The following ZFHX3 variants were observed in gnomAD, a reference collection of about 807,000 sequenced individuals.
ZFHX3 encodes zinc finger homeobox 3, also known as zinc finger homeobox protein 3.
A neutral mutation model predicts 279.1 loss-of-function variants in ZFHX3; 42 were observed. That is an observed-to-expected ratio of 0.15 (90% CI 0.12 to 0.19). The LOEUF is 0.19. Among genes scored for constraint, ZFHX3 ranks in the 10% least tolerant of loss-of-function variants. The probability of loss-of-function intolerance (pLI) is 1.00; values close to 1 mark genes in which losing one functional copy is unlikely to be tolerated. For missense variants in ZFHX3, 4,981 were observed against 4,754.0 expected (o/e 1.05, Z -1.40); for synonymous variants, 2,293 against 1,957.8 (o/e 1.17, Z -4.52).
chr16:72,848,288 A>C (rs1229564813), intron 4 of ZFHX3, among the ~76,000 whole-genome samples: 1 of 152,112 alleles, frequency 6.6e-6, no homozygotes, highest in Non-Finnish European at 1.5e-5. Context: ...AGCGCATTGT[A>C]CTGGGAGGTG....
chr16:73,886,056 A>C (rs1450636212), intron 1 of ZFHX3, among the ~76,000 whole-genome samples: 1 of 152,228 alleles, frequency 6.6e-6, no homozygotes, highest in Non-Finnish European at 1.5e-5. Flanking sequence ...CATCAAATTC[A>C]AATTAATCCT....
At chr16:73,752,712 G>A (rs1305770590) in intron 1 of ZFHX3, among the ~76,000 whole-genome samples, 3 of 152,122 alleles carry the variant, frequency 2.0e-5, no homozygotes, top group East Asian at 3.9e-4. Flanking sequence ...AAACCATGTC[G>A]ACTAGTGAGT....
intron 1 of ZFHX3, among the ~76,000 whole-genome samples, chr16:73,734,128 G>T (rs1375067431): frequency 1.3e-5 from 2 of 152,126 alleles, no homozygotes; most frequent in African/African-American, 4.8e-5. Flanking sequence ...GAATCTAATA[G>T]CACTGCTGAT....
chr16:73,511,008 T>C (rs2019418811), intron 2 of ZFHX3, among the ~76,000 whole-genome samples: 1 of 152,244 alleles, frequency 6.6e-6, no homozygotes, highest in South Asian at 2.1e-4. Context: ...TGCCTTTGGA[T>C]GTGCCTCATA....
chr16:73,868,202 G>A (rs1962077709), intron 1 of ZFHX3, among the ~76,000 whole-genome samples: 1 of 152,226 alleles, frequency 6.6e-6, no homozygotes, highest in Non-Finnish European at 1.5e-5. Context: ...GAAATCTACA[G>A]TGTCCACATC....
chr16:73,333,271 A>T (rs1194040971), intron 3 of ZFHX3, among the ~76,000 whole-genome samples: 1 of 152,228 alleles, frequency 6.6e-6, no homozygotes, highest in Non-Finnish European at 1.5e-5. Flanking sequence ...AGAAAAATAC[A>T]GTTACATAGA....
Position 72,794,785 on chromosome 16 carries a change from T to C in ZFHX3, c.7897A>G (p.Thr2633Ala). The C allele has an allele frequency of 1.9e-6, 3 of 1,614,200 alleles. No individual in the cohort carries two copies. The highest frequency in any genetic ancestry group is 2.5e-6 in the Non-Finnish European group (3 of 1,180,040). The change falls in exon 9 of 10, where the codon ACA becomes GCA. Residue 2633 changes from threonine (T) to alanine (A), a missense_variant. Transcript: ENST00000268489. This position sits in a 1 kb window ranked among gnomAD's most constrained non-coding sequence, Gnocchi z 4.2. ...SASPGENDSGTGGEEPQRDKR... is the reference protein window; with the variant it reads ...SASPGENDSGAGGEEPQRDKR... ...TCTCTCTGAGGCTCTTCTCCTCCTG[T>C]CCCACTGTCGTTTTCGCCAGGGCTT...
At chr16:73,773,830 A>G (rs1310896806) in intron 1 of ZFHX3, among the ~76,000 whole-genome samples, 1 of 152,296 alleles carries the variant, frequency 6.6e-6, no homozygotes. Flanking sequence ...ATTCCCTGGT[A>G]CAACACTTCT....
chr16:73,340,180 A>G (rs553840282), intron 3 of ZFHX3, among the ~76,000 whole-genome samples: 28 of 152,318 alleles, frequency 1.8e-4, no homozygotes, highest in African/African-American at 6.5e-4. Flanking sequence ...GCAGAGGAAG[A>G]GGTGCTCAGA....
At chr16:73,186,072 C>G (rs62052444) in intron 5 of ZFHX3, among the ~76,000 whole-genome samples, 1 of 151,966 alleles carries the variant, frequency 6.6e-6, no homozygotes, top group Admixed American at 6.6e-5. Context: ...TGATCTGTCA[C>G]TGTCTCCCAT....
At chr16:72,932,130 C>G (rs1284776694) in intron 3 of ZFHX3, among the ~76,000 whole-genome samples, 5 of 152,106 alleles carry the variant, frequency 3.3e-5, no homozygotes, top group African/African-American at 9.7e-5. Flanking sequence ...GTACTCTATG[C>G]CAGTTTCCAA....
At chr16:73,672,396 G>A (rs1345916447) in intron 2 of ZFHX3, among the ~76,000 whole-genome samples, 1 of 152,028 alleles carries the variant, frequency 6.6e-6, no homozygotes, top group Non-Finnish European at 1.5e-5. Flanking sequence ...GACCCAATAG[G>A]ACTAACTACT....
chr16:73,142,755 A>T (rs756231305), intron 6 of ZFHX3, among the ~76,000 whole-genome samples: 5 of 151,876 alleles, frequency 3.3e-5, no homozygotes, highest in African/African-American at 4.9e-5. Flanking sequence ...TTGAATGATT[A>T]TAGGCACAAG....
At chr16:73,509,304 G>A (rs1422516702) in intron 2 of ZFHX3, among the ~76,000 whole-genome samples, 3 of 152,058 alleles carry the variant, frequency 2.0e-5, no homozygotes, top group East Asian at 1.9e-4. Context: ...CCATGTACCC[G>A]GTTCTCATCT....
chr16:73,460,871 T>C (rs2018459202), intron 2 of ZFHX3, among the ~76,000 whole-genome samples: 1 of 152,144 alleles, frequency 6.6e-6, no homozygotes, highest in Non-Finnish European at 1.5e-5. Context: ...ACACCTACTC[T>C]CCCTTCGCCT....
chr16:73,697,016 G>A (rs1324853370), intron 1 of ZFHX3, among the ~76,000 whole-genome samples: 1 of 151,992 alleles, frequency 6.6e-6, no homozygotes. Flanking sequence ...GAAAAGAAAG[G>A]GGAAAATGTA....
intron 1 of ZFHX3, among the ~76,000 whole-genome samples, chr16:73,872,099 T>C (rs2029863078): frequency 6.6e-6 from 1 of 152,202 alleles, no homozygotes; most frequent in Non-Finnish European, 1.5e-5. Context: ...TGAACCCTAA[T>C]TAGTGACCCA....
intron 1 of ZFHX3, among the ~76,000 whole-genome samples, chr16:73,839,523 A>G (rs929936364): frequency 1.3e-5 from 2 of 152,138 alleles, no homozygotes; most frequent in Non-Finnish European, 2.9e-5. Flanking sequence ...TGATGAAAAA[A>G]TCAAATCATC....
intron 1 of ZFHX3, among the ~76,000 whole-genome samples, chr16:73,036,136 A>ACG (rs1433156472): frequency 6.6e-6 from 1 of 150,826 alleles, no homozygotes; most frequent in Admixed American, 6.6e-5. Context: ...GCATAGACAG[A>ACG]CTCTCTCTCT....
Sources: allele counts gnomAD v4.1 joint callset (sites outside exome capture counted in the v4.1 genomes callset), GRCh38; gene constraint gnomAD v4.1.1; non-coding constraint Gnocchi (gnomAD v3.1); transcripts MANE v1.5; gene names NCBI Gene and HGNC (gene_info 2026-07-23, HGNC 2026-07-21).